GRAMD1B: variants seen among roughly 807,000 people sequenced by gnomAD.
GRAMD1B encodes the protein protein Aster-B.
In GRAMD1B, 37 loss-of-function variants were observed where a neutral mutation model predicts 99.7. The ratio of observed to expected loss-of-function variants is 0.37; its 90% CI spans 0.29 to 0.49. The LOEUF is 0.49. Ranked by LOEUF, GRAMD1B falls within the 20% of genes least tolerant of loss-of-function variation. The pLI is 0.98. For missense variants in GRAMD1B, 888 were observed against 1,009.2 expected (o/e 0.88, Z 1.63); for synonymous variants, 427 against 387.6 (o/e 1.10, Z -1.19).
At chr11:123,603,975 G>C (rs1332074269) in intron 9 of GRAMD1B, among the ~76,000 whole-genome samples, 1 of 152,218 alleles carries the variant, frequency 6.6e-6, no homozygotes, top group African/African-American at 2.4e-5. Flanking sequence ...TGAAGGATAT[G>C]TTGATGGAAC....
At chr11:123,496,655 C>T (rs1939318646) in intron 2 of GRAMD1B, among the ~76,000 whole-genome samples, 1 of 151,318 alleles carries the variant, frequency 6.6e-6, no homozygotes, top group Non-Finnish European at 1.5e-5. Context: ...TTTGTCGCCT[C>T]TAACTGTATT....
At chr11:123,594,706 G>T in intron 5 of GRAMD1B, 29 bp from the exon 6 acceptor site, 1 of 1,193,886 alleles carries the variant, frequency 8.4e-7, no homozygotes, top group Non-Finnish European at 1.3e-6. Context: ...TCCTGCCTCT[G>T]AGCTCCCCTA....
At chr11:123,498,872 G>T (rs960833728) in intron 2 of GRAMD1B, among the ~76,000 whole-genome samples, 15 of 152,184 alleles carry the variant, frequency 9.9e-5, no homozygotes, top group Non-Finnish European at 2.2e-4. Context: ...TTCTGATGCA[G>T]GTGGTCTTGG....
intron 1 of GRAMD1B, among the ~76,000 whole-genome samples, chr11:123,455,250 A>G (rs1950063375): frequency 6.6e-6 from 1 of 152,206 alleles, no homozygotes; most frequent in Admixed American, 6.5e-5. Flanking sequence ...AGGATGAACT[A>G]AAATCAAAAC....
chr11:123,512,148 T>C (rs1941088191), intron 2 of GRAMD1B, among the ~76,000 whole-genome samples: 2 of 152,212 alleles, frequency 1.3e-5, no homozygotes, highest in African/African-American at 4.8e-5. Context: ...TGTACTACCT[T>C]GACAGTGGGC....
intron 2 of GRAMD1B, among the ~76,000 whole-genome samples, chr11:123,488,890 G>A (rs150046230): frequency 3.9e-5 from 6 of 152,276 alleles, no homozygotes; most frequent in African/African-American, 1.4e-4. Context: ...AGGAAGGGGC[G>A]TGGGACCCGA....
At chr11:123,617,104 G>A (rs915495354) in intron 17 of GRAMD1B, among the ~76,000 whole-genome samples, 2 of 151,952 alleles carry the variant, frequency 1.3e-5, no homozygotes, top group Admixed American at 1.3e-4. Context: ...CTAAGGCATA[G>A]CATAAGCTTT....
rs1555043308 is a variant in GRAMD1B at position 123,492,895 on chromosome 11, C to CACACACACACAT, written c.452+12002_452+12003insACACACACACAT. Among the ~76,000 whole-genome samples, 2,160 of 151,680 alleles carry CACACACACACAT rather than the reference C, an allele frequency of 0.014. 25 individuals carry two copies. Among genetic ancestry groups the CACACACACACAT allele is most frequent in the Non-Finnish European group, 0.02 (1,388 of 67,876 alleles). ...ACACACACACACACACACACACACA[C>CACACACACACAT]GCATAGGCATAGATGCCTGTGATTG... On this transcript the variant is annotated intron_variant, in intron 2 of 19. Coordinates refer to ENST00000635736, the MANE Select transcript of GRAMD1B (RefSeq NM_001387025.1). The surrounding 1 kb of genome is among the most constrained non-coding windows in gnomAD (Gnocchi z 4.2).
chr11:123,568,914 G>T (rs887645561), intron 2 of GRAMD1B, among the ~76,000 whole-genome samples: 6 of 152,316 alleles, frequency 3.9e-5, no homozygotes, highest in African/African-American at 1.4e-4. Flanking sequence ...CAGAGAGCAG[G>T]TTCCATGCGT....
intron 1 of GRAMD1B, among the ~76,000 whole-genome samples, chr11:123,364,978 A>G (rs547168021): frequency 6.6e-6 from 1 of 152,292 alleles, no homozygotes; most frequent in African/African-American, 2.4e-5. Flanking sequence ...ATCACCTTTG[A>G]ACTCTTCATT....
At chr11:123,603,380 G>C (rs1200009374) in intron 8 of GRAMD1B, 46 bp from the exon 9 acceptor site, 1 of 1,180,836 alleles carries the variant, frequency 8.5e-7, no homozygotes, top group East Asian at 2.4e-5. Context: ...GCAGAGTCGG[G>C]GGACCTGAGG....
Position 123,614,815 on chromosome 11 carries a change from G to A in GRAMD1B, c.2298G>A (p.Leu766=). ...TCCACCTGCAGAGCGTGTCCAAGCTGCTGCTGGTTATCAGCTGTGTGTAAG... is the reference window on the plus strand; with the variant it reads ...TCCACCTGCAGAGCGTGTCCAAGCTACTGCTGGTTATCAGCTGTGTGTAAG... The part of the protein sequence containing the change: ...NGFHLQSVSK[L]LLVISCVLVL... Residue 766 remains leucine, a synonymous_variant, in exon 17 of 20, where the codon CTG becomes CTA. Transcript: ENST00000635736. 6.2e-7 allele frequency: 1 copy of A among 1,608,766 alleles called. No homozygotes were observed. Among genetic ancestry groups the A allele is most frequent in the Non-Finnish European group, 8.5e-7 (1 of 1,175,402 alleles).
chr11:123,583,740 C>G (rs571147173), intron 3 of GRAMD1B, among the ~76,000 whole-genome samples: 8 of 152,212 alleles, frequency 5.3e-5, no homozygotes, highest in African/African-American at 1.9e-4. Context: ...GTGCTTCAAC[C>G]TCCTGCCCCA....
chr11:123,539,379 A>T (rs1944287912), intron 2 of GRAMD1B, among the ~76,000 whole-genome samples: 1 of 152,150 alleles, frequency 6.6e-6, no homozygotes, highest in Admixed American at 6.5e-5. Flanking sequence ...AGGGTAGAGA[A>T]TTGCTTGAAC....
intron 1 of GRAMD1B, among the ~76,000 whole-genome samples, chr11:123,434,790 A>T (rs1290505635): frequency 6.6e-6 from 1 of 152,220 alleles, no homozygotes; most frequent in Non-Finnish European, 1.5e-5. Flanking sequence ...TCCATTTCCA[A>T]AAGAAAATAG....
chr11:123,388,093 T>C lies in GRAMD1B; in HGVS notation c.-176+29294T>C, dbSNP rs117698744. Among the ~76,000 whole-genome samples, 530 of 133,994 alleles carry C rather than the reference T, an allele frequency of 4.0e-3. 5 individuals are homozygous for C. The highest frequency in any genetic ancestry group is 6.3e-3 in the Non-Finnish European group (410 of 65,428). The allele number at this position is 133,994 out of a possible 152,430, so 87.9% of individuals were successfully genotyped here. On this transcript the variant is annotated intron_variant, in intron 1 of 20. Transcript: ENST00000638157. ...GTGAGCCGAGATTGTACCATTGCAT[T>C]CCAGCCTAGGCGACAAAAGCGAGAC...
rs1234310982 is a variant in GRAMD1B, at chr11:123,583,015, CGTGT to C, written c.664-1294_664-1291del. Among the ~76,000 whole-genome samples the C allele has an allele frequency of 2.3e-3, 342 of 148,510 alleles. 4 individuals carry two copies. The highest frequency in any genetic ancestry group is 3.7e-3 in the Non-Finnish European group (248 of 66,966). On this transcript the variant is annotated intron_variant, in intron 3 of 19. Coordinates refer to ENST00000635736, the MANE Select transcript of GRAMD1B (RefSeq NM_001387025.1). ...GTGTGTGTGCATGCGCAAGTGTGTG[CGTGT>C]GTATGTGTGTGAATGTATGTGTGTA...
At chr11:123,543,545 T>C (rs888896538) in intron 2 of GRAMD1B, among the ~76,000 whole-genome samples, 3 of 152,160 alleles carry the variant, frequency 2.0e-5, no homozygotes, top group Non-Finnish European at 4.4e-5. Context: ...AAAGAAACCT[T>C]TGAAGTGGAG....
Position 123,605,365 on chromosome 11 carries a change from A to T in GRAMD1B, c.1210A>T (p.Ser404Cys). Reference protein sequence around the residue: ...IPVEENEVNDSSSKSSIETKP... With the variant: ...IPVEENEVNDCSSKSSIETKP... Reference sequence around the variant, plus strand: ...TGTGGAAGAGAATGAAGTGAATGACAGCTCATCCAAGAGCAGCATAGAGAC... The same window carrying T: ...TGTGGAAGAGAATGAAGTGAATGACTGCTCATCCAAGAGCAGCATAGAGAC... Residue 404 changes from serine to cysteine, a missense_variant, in exon 10 of 20, where the codon AGC becomes TGC. Physicochemically the swap from Ser to Cys is moderately radical, Grantham distance 112. Transcript: ENST00000635736. The T allele has an allele frequency of 1.2e-6, 2 of 1,613,006 alleles. No individual in the cohort carries two copies. The highest frequency in any genetic ancestry group is 4.5e-5 in the East Asian group (2 of 44,844).
Sources: gnomAD v4.1 joint callset for allele counts (sites outside exome capture counted in the v4.1 genomes callset) on GRCh38, gnomAD v4.1.1 for gene constraint, Gnocchi (gnomAD v3.1) non-coding constraint, MANE v1.5 for transcripts, NCBI Gene and HGNC (gene_info 2026-07-23, HGNC 2026-07-21) for gene names.